Variants in TNKS1BP1 observed in about 807,000 individuals in gnomAD.
TNKS1BP1 encodes the protein 182 kDa tankyrase-1-binding protein.
Under a neutral mutation model 141.1 loss-of-function variants are expected in TNKS1BP1, and 48 were observed. The ratio of observed to expected loss-of-function variants is 0.34; its 90% CI spans 0.27 to 0.43. The LOEUF (loss-of-function observed/expected upper bound fraction) is 0.43. Ranked by LOEUF, TNKS1BP1 falls within the 20% of genes least tolerant of loss-of-function variation. TNKS1BP1 has a pLI of 1.00. For missense variants in TNKS1BP1, 2,149 were observed against 2,226.0 expected (o/e 0.97, Z 0.70); for synonymous variants, 875 against 898.2 (o/e 0.97, Z 0.46).
At chr11:57,305,414 C>T (rs1855594072) in intron 6 of TNKS1BP1, among the ~76,000 whole-genome samples, 1 of 151,032 alleles carries the variant, frequency 6.6e-6, no homozygotes, top group African/African-American at 2.4e-5. Context: ...CTCATCTTGT[C>T]GCATCTACAC....
intron 5 of TNKS1BP1, 87 bp from the exon 6 acceptor site, chr11:57,310,643 A>G (rs1855692121): frequency 4.0e-6 from 6 of 1,489,656 alleles, no homozygotes; most frequent in South Asian, 1.4e-5. Context: ...AGCGCTGCCT[A>G]GTGCCTGAAA....
Position 57,320,717 on chromosome 11 carries a change from C to T in TNKS1BP1, c.95-5G>A, listed in dbSNP as rs1035730457. 2 of 1,564,906 alleles carry T rather than the reference C, an allele frequency of 1.3e-6. No individual in the cohort carries two copies. Among genetic ancestry groups the T allele is most frequent in the Non-Finnish European group, 1.7e-6 (2 of 1,155,302 alleles). ...GGGGTTTGGCCCGAGTGTCACCTACCAAAAGGAAAGGGTTGGTGGGGGAGC... is the reference window on the plus strand; with the variant it reads ...GGGGTTTGGCCCGAGTGTCACCTACTAAAAGGAAAGGGTTGGTGGGGGAGC... On this transcript the variant is annotated splice_polypyrimidine_tract_variant and splice_region_variant and intron_variant, in intron 2 of 11. Coordinates refer to ENST00000358252, the MANE Select transcript of TNKS1BP1 (RefSeq NM_033396.3).
chr11:57,317,753 G>T, intron 4 of TNKS1BP1, 65 bp downstream of exon 4: 1 of 1,472,230 alleles, frequency 6.8e-7, no homozygotes, highest in South Asian at 1.2e-5. Flanking sequence ...TAGAAAAGAT[G>T]ATCTCATATG....
rs1449840354 is a variant in TNKS1BP1 at position 57,313,227 on chromosome 11, C to A, written c.1461G>T (p.Leu487=). ...EWTFPTRPSG[L]GVWRLDSPPP... is the part of the protein sequence containing the mutation. ...GCGGGGAGTCCAGCCGCCACACGCCCAGACCCGAGGGCCTCGTGGGGAAGG... is the reference window on the plus strand; with the variant it reads ...GCGGGGAGTCCAGCCGCCACACGCCAAGACCCGAGGGCCTCGTGGGGAAGG... Residue 487 remains leucine (L), a synonymous_variant, in exon 5 of 12, where the codon CTG becomes CTT. Transcript: ENST00000358252. 16 of 1,612,814 alleles carry A rather than the reference C, an allele frequency of 9.9e-6. No individual in the cohort carries two copies. Among genetic ancestry groups the A allele is most frequent in the Non-Finnish European group, 1.3e-5 (15 of 1,180,004 alleles).
At chr11:57,318,217 T>TA (rs1438970280) in intron 3 of TNKS1BP1, among the ~76,000 whole-genome samples, 1 of 152,198 alleles carries the variant, frequency 6.6e-6, no homozygotes, top group Non-Finnish European at 1.5e-5. Context: ...CATAAGGAGT[T>TA]AAAGTTCTCC....
chr11:57,302,594 G>T lies in TNKS1BP1; in HGVS notation c.4548C>A (p.Ser1516Arg). 7 of 1,612,778 alleles carry T rather than the reference G, an allele frequency of 4.3e-6. No individual in the cohort carries two copies. Among genetic ancestry groups the T allele is most frequent in the South Asian group, 1.1e-5 (1 of 90,982 alleles). ...AGGTGCCATCCACGTCTTCTGTCTG[G>T]CTGGCCTCACCATCAGGCTGCGGCC... Reference protein sequence around the residue: ...SWRPQPDGEASQTEDVDGTWG... With the variant: ...SWRPQPDGEARQTEDVDGTWG... The change falls in exon 7 of 12, where the codon AGC becomes AGA. Residue 1516 changes from serine (S) to arginine (R), a missense_variant. By Grantham distance (110) the Ser-to-Arg change is moderately radical (BLOSUM62 -1). Transcript: ENST00000358252. This position sits in a 1 kb window ranked among gnomAD's most constrained non-coding sequence, Gnocchi z 5.5.
At position 57,320,799 on chromosome 11, in the gene TNKS1BP1, C is replaced by T. The variant is rs978890723; in HGVS notation, c.95-87G>A. ...GTTTCCTGTTCCACCTCATCTCCCA[C>T]CCTCCGATTTAAGAATATTCACATC... On this transcript the variant is annotated intron_variant, in intron 2 of 11. Coordinates refer to ENST00000358252, the MANE Select transcript of TNKS1BP1 (RefSeq NM_033396.3). The T allele has an allele frequency of 3.6e-6, 5 of 1,397,750 alleles. 1 individual carries two copies. Among genetic ancestry groups the T allele is most frequent in the Middle Eastern group, 2.6e-4 (1 of 3,816 alleles). The allele number at this position is 1,397,750 out of a possible 1,614,324, so 86.6% of individuals were successfully genotyped here.
rs771287715 is a variant in TNKS1BP1, at chr11:57,313,771, G to A, written c.917C>T (p.Pro306Leu). The change falls in exon 5 of 12, where the codon CCG (proline) becomes CTG (leucine). Residue 306 changes from proline to leucine, a missense_variant. Physicochemically the swap from Pro to Leu is moderately conservative, Grantham distance 98 (BLOSUM62 -3). Coordinates refer to ENST00000358252, the MANE Select transcript of TNKS1BP1 (RefSeq NM_033396.3). Reference sequence around the variant, plus strand: ...GTGGCAGGGAGAACTCTTATCAGGCGGGTGAAGATGGGGAGAGCCAGGGCC... The same window carrying A: ...GTGGCAGGGAGAACTCTTATCAGGCAGGTGAAGATGGGGAGAGCCAGGGCC... ...GSGPGSPHLH[P>L]PDKSSPCHSQ... 20 of 1,599,224 alleles carry A rather than the reference G, an allele frequency of 1.3e-5. No individual in the cohort carries two copies. The highest frequency in any genetic ancestry group is 5.4e-5 in the African/African-American group (4 of 74,672).
chr11:57,303,344 C>T (rs1855559092), intron 6 of TNKS1BP1: 1 of 152,930 alleles, frequency 6.5e-6, no homozygotes, highest in South Asian at 2.1e-4. Flanking sequence ...CAACCAGGGA[C>T]CATCAGAAGA....
intron 6 of TNKS1BP1, among the ~76,000 whole-genome samples, chr11:57,303,644 G>C (rs968794031): frequency 6.6e-6 from 1 of 152,202 alleles, no homozygotes; most frequent in Non-Finnish European, 1.5e-5. Flanking sequence ...ACCTGACCCA[G>C]AGCCTGGCTA....
intron 5 of TNKS1BP1, 31 bp downstream of exon 5, chr11:57,312,503 G>A (rs747269267): frequency 2.6e-5 from 37 of 1,429,764 alleles, no homozygotes; most frequent in Admixed American, 8.0e-5. Flanking sequence ...TCTGTCCCCA[G>A]AAGTCCCATT....
chr11:57,316,237 G>A (rs976168575), intron 4 of TNKS1BP1, among the ~76,000 whole-genome samples: 2 of 152,114 alleles, frequency 1.3e-5, no homozygotes, highest in African/African-American at 4.8e-5. Flanking sequence ...CAGTCCTGGA[G>A]GCTGTCTCCA....
chr11:57,306,574 C>T (rs192878670), intron 6 of TNKS1BP1, among the ~76,000 whole-genome samples: 190 of 152,260 alleles, frequency 1.2e-3, no homozygotes, highest in African/African-American at 4.2e-3. Flanking sequence ...CTCTCTAAAG[C>T]AACTGTTTTC....
intron 3 of TNKS1BP1, 150 bp from the exon 4 acceptor site, chr11:57,318,037 T>C (rs1010886540): frequency 1.4e-6 from 1 of 699,622 alleles, no homozygotes; most frequent in Non-Finnish European, 2.5e-6. Flanking sequence ...CCTGCAACTA[T>C]TAGGGACACA....
At position 57,306,909 on chromosome 11, in the gene TNKS1BP1, G is replaced by GT. The variant is rs1002141342; in HGVS notation, c.4316+1485_4316+1486insA. ...AGGCAGAGAGCTGTGGTGGTGGGGG[G>GT]GGGGGTTGGGTGGGAGGGGGGCAGT... is the stretch of plus-strand genomic sequence containing the variant. On this transcript the variant is annotated intron_variant, in intron 6 of 11. Coordinates refer to ENST00000358252, the MANE Select transcript of TNKS1BP1 (RefSeq NM_033396.3). 1.1e-4 allele frequency among the ~76,000 whole-genome samples: 17 copies of GT among 148,794 alleles called. No homozygotes were observed. The South Asian group carries it at 3.7e-3, about 32-fold the overall frequency.
In TNKS1BP1 at chr11:57,313,698, G is replaced by A; in HGVS notation, c.990C>T (p.Pro330=). 6.3e-7 allele frequency: 1 copy of A among 1,582,986 alleles called. No homozygotes were observed. The highest frequency in any genetic ancestry group is 8.6e-7 in the Non-Finnish European group (1 of 1,164,266). ...AQTPEASQAS[P]CPAVTPSAPS... The stretch of plus-strand genomic sequence containing the variant: ...GAGCTGATGGAGTCACAGCGGGGCA[G>A]GGAGAAGCCTGGGAAGCTTCAGGAG... The change falls in exon 5 of 12, where the codon CCC becomes CCT. Residue 330 remains proline, a synonymous_variant. Coordinates refer to ENST00000358252, the MANE Select transcript of TNKS1BP1 (RefSeq NM_033396.3).
chr11:57,312,550 G>A lies in TNKS1BP1; in HGVS notation c.2138C>T (p.Pro713Leu), dbSNP rs765692719. The A allele has an allele frequency of 1.3e-6, 2 of 1,498,090 alleles. No individual in the cohort carries two copies. Among genetic ancestry groups the A allele is most frequent in the African/African-American group, 1.4e-5 (1 of 71,416 alleles). The allele number at this position is 1,498,090 out of a possible 1,614,324, so 92.8% of individuals were successfully genotyped here. Residue 713 changes from proline (P) to leucine (L), a missense_variant, in exon 5 of 12, where the codon CCA becomes CTA. By Grantham distance (98) the Pro-to-Leu change is moderately conservative. Transcript: ENST00000358252. ...AGAELKDTQS[P>L]STCSEGLLGW... The stretch of plus-strand genomic sequence containing the variant: ...CATTCTCACCTCAGAGCAGGTACTT[G>A]GGGACTGTGTGTCCTTCAGCTCAGC...
At position 57,309,187 on chromosome 11, in the gene TNKS1BP1, C is replaced by T. The variant is rs762312096; in HGVS notation, c.3524G>A (p.Cys1175Tyr). 3.1e-6 allele frequency: 5 copies of T among 1,614,216 alleles called. No individual in the cohort carries two copies. The East Asian group carries it at 8.9e-5, about 29-fold the overall frequency. ...CTCGCTCGAGCCCCCAGAACCCACA[C>T]AGCTGGACACTTCCAAGTTCCTGAG... ...LGLRNLEVSS[C>Y]VGSGGSSEAR... The change falls in exon 6 of 12, where the codon TGT becomes TAT. Residue 1175 changes from cysteine to tyrosine, a missense_variant. Coordinates refer to ENST00000358252, the MANE Select transcript of TNKS1BP1 (RefSeq NM_033396.3). This position sits in a 1 kb window ranked among gnomAD's most constrained non-coding sequence, Gnocchi z 4.3.
At chr11:57,320,020 C>A in intron 3 of TNKS1BP1, 59 bp downstream of exon 3, 2 of 1,213,898 alleles carry the variant, frequency 1.6e-6, no homozygotes, top group Non-Finnish European at 2.3e-6. Context: ...AGCCCCCACC[C>A]AATCCCACCC....
Sources: gnomAD v4.1 joint callset for allele counts (sites outside exome capture counted in the v4.1 genomes callset) on GRCh38, gnomAD v4.1.1 for gene constraint, Gnocchi (gnomAD v3.1) non-coding constraint, MANE v1.5 for transcripts, NCBI Gene and HGNC (gene_info 2026-07-23, HGNC 2026-07-21) for gene names.